The following DNAH2 variants were observed in gnomAD, a reference collection of about 807,000 sequenced individuals.
DNAH2 encodes the protein axonemal beta dynein heavy chain 2.
Under a neutral mutation model 523.5 loss-of-function variants are expected in DNAH2, and 323 were observed. The ratio of observed to expected loss-of-function variants is 0.62; its 90% CI spans 0.56 to 0.68. The LOEUF (loss-of-function observed/expected upper bound fraction) is 0.68, where lower values mean the gene tolerates loss of function less well. DNAH2 is among the 30% of genes least tolerant of loss of function. The pLI, the probability that DNAH2 is intolerant of heterozygous loss-of-function variation, is 0.00. For missense variants in DNAH2, 4,907 were observed against 5,701.5 expected, an observed-to-expected ratio of 0.86 and a Z score of 4.49; for synonymous variants, 2,093 against 2,177.4, an observed-to-expected ratio of 0.96 and a Z score of 1.08.
At chr17:7,743,478 C>A in intron 12 of DNAH2, 1 of 648,708 alleles carries the variant, frequency 1.5e-6, no homozygotes, top group Middle Eastern at 3.5e-4. Context: ...ACAGCCTGGG[C>A]AACATGGCAA....
Position 7,796,597 on chromosome 17 carries a change from T to C in DNAH2, c.7808T>C (p.Phe2603Ser), listed in dbSNP as rs2077069715. Residue 2603 changes from phenylalanine to serine, a missense_variant, in exon 50 of 86, where the codon TTC becomes TCC. Coordinates refer to ENST00000572933, the MANE Select transcript of DNAH2 (RefSeq NM_020877.5). ...LDMYNTVVQR[F>S]LPTPTKMHYL... ...ATGTACAACACCGTGGTACAGCGCT[T>C]CCTGCCCACGCCCACCAAGATGCAT... The C allele has an allele frequency of 6.2e-7, 1 of 1,612,766 alleles. No individual in the cohort carries two copies. The highest frequency in any genetic ancestry group is 8.5e-7 in the Non-Finnish European group (1 of 1,179,762).
chr17:7,819,491 G>A (rs1017035645), intron 72 of DNAH2, 83 bp downstream of exon 72: 79 of 1,475,812 alleles, frequency 5.4e-5, no homozygotes, highest in Non-Finnish European at 6.8e-5. Context: ...GTGCTTTCCC[G>A]CACCGCGGCT....
rs2074792473 is a variant in DNAH2, at chr17:7,725,871, A to G, written c.229-1251A>G. Among the ~76,000 whole-genome samples the G allele has an allele frequency of 2.0e-5, 3 of 151,984 alleles. No individual in the cohort carries two copies. In the South Asian group the frequency reaches 6.2e-4, roughly 32 times the overall value. On this transcript the variant is annotated intron_variant, in intron 3 of 85. Transcript: ENST00000572933. ...ATCCTGTCTATATGTATTATAGGAA[A>G]GATTTTAGATCACTATTAATTTTTC... is the stretch of plus-strand genomic sequence containing the variant.
chr17:7,809,969 G>A (rs1273374961), intron 63 of DNAH2, among the ~76,000 whole-genome samples: 1 of 151,754 alleles, frequency 6.6e-6, no homozygotes, highest in Non-Finnish European at 1.5e-5. Flanking sequence ...GATTACAGGT[G>A]TGAGCCACCG....
At chr17:7,825,939 C>A (rs1429719193) in intron 77 of DNAH2, among the ~76,000 whole-genome samples, 1 of 152,144 alleles carries the variant, frequency 6.6e-6, no homozygotes, top group Admixed American at 6.5e-5. Context: ...GTGGCTCAGG[C>A]CGGGTGTGAT....
intron 7 of DNAH2, among the ~76,000 whole-genome samples, chr17:7,736,013 A>G (rs532504693): frequency 4.6e-5 from 7 of 152,078 alleles, no homozygotes; most frequent in African/African-American, 1.7e-4. Flanking sequence ...TCGGCCTCAC[A>G]AAGTGCTGGG....
chr17:7,828,186 T>C lies in DNAH2; in HGVS notation c.11854-2114T>C, dbSNP rs1384014962. 1.3e-5 allele frequency among the ~76,000 whole-genome samples: 2 copies of C among 152,168 alleles called. No homozygotes were observed. The highest frequency in any genetic ancestry group is 2.9e-5 in the Non-Finnish European group (2 of 68,040). Reference sequence around the variant, plus strand: ...CTCCCACTTCAGCCTCCCAAACTGCTGGGATTACAGGTGTAACCCACAGTG... The same window carrying C: ...CTCCCACTTCAGCCTCCCAAACTGCCGGGATTACAGGTGTAACCCACAGTG... On this transcript the variant is annotated intron_variant, in intron 77 of 85. Coordinates refer to ENST00000572933, the MANE Select transcript of DNAH2 (RefSeq NM_020877.5). This position sits in a 1 kb window ranked among gnomAD's most constrained non-coding sequence, Gnocchi z 4.1.
At position 7,771,560 on chromosome 17, in the gene DNAH2, C is replaced by A. The variant is rs113513533; in HGVS notation, c.4501+92C>A. On this transcript the variant is annotated intron_variant, in intron 28 of 85. Coordinates refer to ENST00000572933, the MANE Select transcript of DNAH2 (RefSeq NM_020877.5). ...GCTTCATTTATTAAAAAGACTGATG[C>A]CCCCAGCTCTCCTAACATTTCCCAT... The A allele has an allele frequency of 3.6e-3, 4,931 of 1,384,634 alleles. 72 individuals carry two copies. The African/African-American group carries it at 0.042, about 12-fold the overall frequency. 85.8% of individuals were successfully genotyped at this position (1,384,634 alleles called of 1,614,324 possible). A position where few individuals can be genotyped will look rare whatever the true frequency, so the allele number is the denominator to read the frequency against.
At chr17:7,811,689 G>A (rs949898284) in intron 63 of DNAH2, among the ~76,000 whole-genome samples, 1 of 152,040 alleles carries the variant, frequency 6.6e-6, no homozygotes, top group African/African-American at 2.4e-5. Flanking sequence ...CTTTTACTAG[G>A]GCACTAATCC....
In DNAH2 at chr17:7,817,718, G is replaced by A; in HGVS notation, c.10169+9G>A. 6.2e-7 allele frequency: 1 copy of A among 1,614,184 alleles called. No homozygotes were observed. On this transcript the variant is annotated intron_variant, in intron 66 of 85. Transcript: ENST00000572933. ...GTCACCCGAGGCAACAGGTGAGGGT[G>A]CTGCTGGGCGTGGGGGCGGTACGGG...
intron 21 of DNAH2, 90 bp from the exon 22 acceptor site, chr17:7,766,228 G>T: frequency 7.1e-7 from 1 of 1,407,472 alleles, no homozygotes; most frequent in Non-Finnish European, 9.9e-7. Flanking sequence ...GAGGAGAGAG[G>T]TGAGATTTGC....
chr17:7,814,612 G>A (rs560770895), intron 63 of DNAH2, among the ~76,000 whole-genome samples: 50 of 152,334 alleles, frequency 3.3e-4, no homozygotes, highest in Middle Eastern at 3.4e-3. Context: ...GGTGGCTCAC[G>A]CCTGTAATCC....
chr17:7,804,909 C>A, intron 59 of DNAH2, 49 bp from the exon 60 acceptor site: 1 of 1,539,624 alleles, frequency 6.5e-7, no homozygotes. Flanking sequence ...TCACTCCCAC[C>A]TTTGCCCAAG....
rs2077842507 is a variant in DNAH2 at position 7,821,192 on chromosome 17, T to TCAGCCCCCATTCCATGCTGCCC, written c.11016-49_11016-28dup. The TCAGCCCCCATTCCATGCTGCCC allele has an allele frequency of 6.3e-7, 1 of 1,590,018 alleles. No individual in the cohort carries two copies. The highest frequency in any genetic ancestry group is 8.6e-7 in the Non-Finnish European group (1 of 1,165,144). ...AGCATCATAGCATTCGCATGGAGCATCAGCCCCCATTCCATGCTGCCCCTC... is the reference window on the plus strand; with the variant it reads ...AGCATCATAGCATTCGCATGGAGCATCAGCCCCCATTCCATGCTGCCCCAGCCCCCATTCCATGCTGCCCCTC... On this transcript the variant is annotated intron_variant, in intron 72 of 85. Coordinates refer to ENST00000572933, the MANE Select transcript of DNAH2 (RefSeq NM_020877.5). The surrounding 1 kb of genome is among the most constrained non-coding windows in gnomAD (Gnocchi z 5.0).
intron 18 of DNAH2, among the ~76,000 whole-genome samples, chr17:7,762,397 G>A (rs1234213400): frequency 1.4e-5 from 2 of 145,592 alleles, no homozygotes; most frequent in African/African-American, 2.5e-5. Context: ...GTGCAATGGC[G>A]CCATCTCTGC....
intron 24 of DNAH2, among the ~76,000 whole-genome samples, chr17:7,769,343 G>A (rs1304929689): frequency 6.6e-6 from 1 of 152,060 alleles, no homozygotes; most frequent in Non-Finnish European, 1.5e-5. Context: ...TGTATTTTTA[G>A]TAGAGATGGG....
intron 44 of DNAH2, among the ~76,000 whole-genome samples, chr17:7,788,732 T>C (rs1267190347): frequency 6.6e-6 from 1 of 152,246 alleles, no homozygotes; most frequent in Non-Finnish European, 1.5e-5. Context: ...ATATCTTCTG[T>C]TGAGATTAAA....
Position 7,816,725 on chromosome 17 carries a change from A to G in DNAH2, c.9884A>G (p.Glu3295Gly). The change falls in exon 64 of 86, where the codon GAG becomes GGG. Residue 3295 changes from glutamate (E) to glycine (G), a missense_variant. By Grantham distance (98) the Glu-to-Gly change is moderately conservative. Transcript: ENST00000572933. Reference sequence around the variant, plus strand: ...GCTGGCGAGAAGGCCAGATGGGAGGAGACAGTCCAGGTGAGATCAGCTGTA... The same window carrying G: ...GCTGGCGAGAAGGCCAGATGGGAGGGGACAGTCCAGGTGAGATCAGCTGTA... ...GLAGEKARWEETVQGLEEDLG... is the reference protein window; with the variant it reads ...GLAGEKARWEGTVQGLEEDLG... 1 of 1,613,730 alleles carries G rather than the reference A, an allele frequency of 6.2e-7. No individual in the cohort carries two copies. Among genetic ancestry groups the G allele is most frequent in the South Asian group, 1.1e-5 (1 of 91,068 alleles).
chr17:7,787,889 G>C lies in DNAH2; in HGVS notation c.6633G>C (p.Leu2211=). 6.2e-7 allele frequency: 1 copy of C among 1,614,104 alleles called. No individual in the cohort carries two copies. Among genetic ancestry groups the C allele is most frequent in the South Asian group, 1.1e-5 (1 of 91,074 alleles). ...CTCTCCTGTTTGAAGTGGAGGACCT[G>C]GCAATGGCCTCTCCGGCCACTGTAT... The part of the protein sequence containing the change: ...QVSLLFEVED[L]AMASPATVSR... The change falls in exon 43 of 86, where the codon CTG becomes CTC. Residue 2211 remains leucine, a synonymous_variant. Coordinates refer to ENST00000572933, the MANE Select transcript of DNAH2 (RefSeq NM_020877.5).
Sources: allele counts gnomAD v4.1 joint callset (sites outside exome capture counted in the v4.1 genomes callset), GRCh38; gene constraint gnomAD v4.1.1; non-coding constraint Gnocchi (gnomAD v3.1); transcripts MANE v1.5; gene names NCBI Gene and HGNC (gene_info 2026-07-23, HGNC 2026-07-21).